The following PEX14 variants were observed in gnomAD, a reference collection of about 807,000 sequenced individuals.
PEX14 encodes the protein peroxisomal biogenesis factor 14, also known as peroxisomal membrane protein PEX14.
PEX14 carries 15 observed loss-of-function variants against 49.5 expected under a neutral mutation model. That is an observed-to-expected ratio of 0.30 (90% CI 0.20 to 0.47). The LOEUF is 0.47. Among genes scored for constraint, PEX14 ranks in the 20% least tolerant of loss-of-function variants. PEX14 has a pLI of 1.00. For synonymous variants in PEX14, 210 were observed against 212.7 expected (o/e 0.99, Z 0.11); for missense variants, 398 against 494.8 (o/e 0.80, Z 1.86).
At chr1:10,610,372 T>TATACAC (rs1553119487) in intron 4 of PEX14, among the ~76,000 whole-genome samples, 7 of 129,074 alleles carry the variant, frequency 5.4e-5, no homozygotes, top group Non-Finnish European at 8.0e-5. Flanking sequence ...TATATATATA[T>TATACAC]ACACACACAC....
At chr1:10,602,965 C>G (rs1641029255) in intron 4 of PEX14, among the ~76,000 whole-genome samples, 1 of 152,214 alleles carries the variant, frequency 6.6e-6, no homozygotes, top group African/African-American at 2.4e-5. Flanking sequence ...ATCCCCTGGG[C>G]CTAGCCCCAA....
chr1:10,513,531 G>A (rs1479345365), intron 2 of PEX14, among the ~76,000 whole-genome samples: 2 of 152,316 alleles, frequency 1.3e-5, no homozygotes, highest in South Asian at 4.1e-4. Context: ...ATTACTCCTA[G>A]GGCCTGGGAG....
chr1:10,593,975 G>A (rs1036822668), intron 3 of PEX14, among the ~76,000 whole-genome samples: 4 of 152,232 alleles, frequency 2.6e-5, no homozygotes, highest in Middle Eastern at 3.4e-3. Flanking sequence ...CAGGTGGCAC[G>A]GAATAATACA....
At chr1:10,476,735 C>T (rs780198901) in intron 1 of PEX14, among the ~76,000 whole-genome samples, 3 of 152,156 alleles carry the variant, frequency 2.0e-5, no homozygotes, top group Non-Finnish European at 4.4e-5. Flanking sequence ...AAGTGATCTG[C>T]CCGCCTCAGC....
At chr1:10,556,505 C>T (rs534525321) in intron 3 of PEX14, among the ~76,000 whole-genome samples, 1 of 152,240 alleles carries the variant, frequency 6.6e-6, no homozygotes, top group Admixed American at 6.5e-5. Flanking sequence ...GTGTGATAAT[C>T]GTCCCCTTGG....
At chr1:10,553,375 A>G (rs903303463) in intron 3 of PEX14, among the ~76,000 whole-genome samples, 4 of 152,128 alleles carry the variant, frequency 2.6e-5, no homozygotes, top group South Asian at 4.1e-4. Flanking sequence ...GCCCAGAGGG[A>G]GGTGCGGGGG....
chr1:10,594,842 C>T (rs1215855417), intron 3 of PEX14, among the ~76,000 whole-genome samples: 1 of 152,152 alleles, frequency 6.6e-6, no homozygotes, highest in East Asian at 1.9e-4. Context: ...TACCCTGCAG[C>T]TCACAGAGTC....
chr1:10,504,974 G>A (rs559043363), intron 2 of PEX14, among the ~76,000 whole-genome samples: 11 of 152,110 alleles, frequency 7.2e-5, no homozygotes, highest in East Asian at 5.8e-4. Context: ...TAGTAGAGAC[G>A]GAGTTTCAAC....
At chr1:10,574,237 C>T (rs1269161039) in intron 3 of PEX14, among the ~76,000 whole-genome samples, 1 of 152,154 alleles carries the variant, frequency 6.6e-6, no homozygotes, top group African/African-American at 2.4e-5. Context: ...AATGGGTCTG[C>T]ATGAATGAGT....
At position 10,577,562 on chromosome 1, in the gene PEX14, ATTTTTTTTTTTTTTTT is replaced by A. The variant is rs1164876121; in HGVS notation, c.170-21643_170-21628del. ...TATATATATATATATATATATATATATTTTTTTTTTTTTTTTTTTTTTTTTTTTTTTTTTTTTTTTT... is the reference window on the plus strand; with the variant it reads ...TATATATATATATATATATATATATATTTTTTTTTTTTTTTTTTTTTTTTT... On this transcript the variant is annotated intron_variant, in intron 3 of 8. Transcript: ENST00000356607. Among the ~76,000 whole-genome samples the A allele has an allele frequency of 8.0e-3, 50 of 6,224 alleles. 1 individual carries two copies. The highest frequency in any genetic ancestry group is 0.021 in the African/African-American group (45 of 2,162). 4.1% of individuals were successfully genotyped at this position (6,224 alleles called of 152,430 possible).
intron 3 of PEX14, among the ~76,000 whole-genome samples, chr1:10,598,709 A>G (rs1284823925): frequency 6.6e-6 from 1 of 152,314 alleles, no homozygotes; most frequent in East Asian, 1.9e-4. Flanking sequence ...TATCCCATTC[A>G]TACTAATCAC....
intron 2 of PEX14, among the ~76,000 whole-genome samples, chr1:10,530,987 G>T (rs985520243): frequency 2.0e-5 from 3 of 152,138 alleles, no homozygotes; most frequent in African/African-American, 7.2e-5. Flanking sequence ...GTGGCTTGTG[G>T]TTGCCGCTGC....
chr1:10,593,236 GC>G (rs573526287), intron 3 of PEX14, among the ~76,000 whole-genome samples: 163 of 152,264 alleles, frequency 1.1e-3, no homozygotes, highest in Middle Eastern at 6.8e-3. Context: ...AATGAGAGGT[GC>G]CCCAGCTCTC....
At chr1:10,475,385 A>AG (rs1438155536) in intron 1 of PEX14, among the ~76,000 whole-genome samples, 1 of 152,022 alleles carries the variant, frequency 6.6e-6, no homozygotes, top group East Asian at 1.9e-4. Flanking sequence ...CCCTCCGGGG[A>AG]GGGGCCTGTT....
chr1:10,527,515 C>CAA (rs1032596691), intron 2 of PEX14, among the ~76,000 whole-genome samples: 17 of 89,072 alleles, frequency 1.9e-4, no homozygotes, highest in East Asian at 3.4e-4. Flanking sequence ...GACTCTGTCT[C>CAA]AAAAAAAAAA....
chr1:10,620,244 G>T (rs546162519), intron 5 of PEX14, among the ~76,000 whole-genome samples: 1 of 152,162 alleles, frequency 6.6e-6, no homozygotes, highest in South Asian at 2.1e-4. Context: ...GAGCCCAGAA[G>T]TTTGATATTA....
intron 2 of PEX14, among the ~76,000 whole-genome samples, chr1:10,496,485 G>A (rs1390806750): frequency 6.6e-6 from 1 of 152,162 alleles, no homozygotes; most frequent in African/African-American, 2.4e-5. Context: ...CCCTCAGGCC[G>A]AAGTTGTGGT....
rs71583884 is a variant in PEX14, at chr1:10,581,305, C to CTTTT, written c.170-17917_170-17914dup. ...GTGTTAAACGAGGATCTTTGTTATC[C>CTTTT]TTTTTTTTTTTTTTTTTTTGAGACA... On this transcript the variant is annotated intron_variant, in intron 3 of 8. Transcript: ENST00000356607. Among the ~76,000 whole-genome samples, 258 of 126,960 alleles carry CTTTT rather than the reference C, an allele frequency of 2.0e-3. 4 individuals are homozygous for CTTTT. The highest frequency in any genetic ancestry group is 4.2e-3 in the Middle Eastern group (1 of 240). The allele number at this position is 126,960 out of a possible 152,430, so 83.3% of individuals were successfully genotyped here. A position where few individuals can be genotyped will look rare whatever the true frequency, so the allele number is the denominator to read the frequency against.
chr1:10,628,385 G>T lies in PEX14; in HGVS notation c.677+1022G>T, dbSNP rs1357981135. Among the ~76,000 whole-genome samples, 1 of 152,266 alleles carries T rather than the reference G, an allele frequency of 6.6e-6. No individual in the cohort carries two copies. The highest frequency in any genetic ancestry group is 2.4e-5 in the African/African-American group (1 of 41,476). On this transcript the variant is annotated intron_variant, in intron 8 of 8. Coordinates refer to ENST00000356607, the MANE Select transcript of PEX14 (RefSeq NM_004565.3). This position sits in a 1 kb window ranked among gnomAD's most constrained non-coding sequence, Gnocchi z 4.5. The stretch of plus-strand genomic sequence containing the variant: ...CTGGGCTGGATTTGTTGGGAGCTGG[G>T]TGAGTGGGAGGGTGCAGGTGGGCTT...
Sources: gnomAD v4.1 joint callset for allele counts (sites outside exome capture counted in the v4.1 genomes callset) on GRCh38, gnomAD v4.1.1 for gene constraint, Gnocchi (gnomAD v3.1) non-coding constraint, MANE v1.5 for transcripts, NCBI Gene and HGNC (gene_info 2026-07-23, HGNC 2026-07-21) for gene names.